PLEKHB2: variants seen among roughly 807,000 people sequenced by gnomAD.
The protein encoded by PLEKHB2 is pleckstrin homology domain-containing family B member 2.
A neutral mutation model predicts 36.5 loss-of-function variants in PLEKHB2; 31 were observed. The ratio of observed to expected loss-of-function variants is 0.85; its 90% CI spans 0.64 to 1.15. The LOEUF (loss-of-function observed/expected upper bound fraction) is 1.15, where lower values mean the gene tolerates loss of function less well. PLEKHB2 is among the 50% of genes most tolerant of loss of function. The probability of loss-of-function intolerance (pLI) is 0.00; values close to 1 mark genes in which losing one functional copy is unlikely to be tolerated. For missense variants in PLEKHB2, 262 were observed against 295.3 expected (o/e 0.89, Z 0.83); for synonymous variants, 119 against 112.0 (o/e 1.06, Z -0.39).
intron 6 of PLEKHB2, among the ~76,000 whole-genome samples, 175 bp from the exon 7 acceptor site, chr2:131,139,992 T>A (rs1698619508): frequency 6.6e-6 from 1 of 152,244 alleles, no homozygotes; most frequent in African/African-American, 2.4e-5. Flanking sequence ...CAATTGTAGC[T>A]TTTGTTTGTT....
At chr2:131,109,650 A>G (rs533317848) in intron 1 of PLEKHB2, among the ~76,000 whole-genome samples, 2 of 152,116 alleles carry the variant, frequency 1.3e-5, no homozygotes, top group Non-Finnish European at 2.9e-5. Context: ...AGATCGCGCC[A>G]CTATACTCCA....
rs1471633069 is a variant in PLEKHB2, at chr2:131,148,868, CACTTT to C, written c.*2100_*2104del. 3.9e-5 allele frequency: 6 copies of C among 152,166 alleles called. No individual in the cohort carries two copies. Among genetic ancestry groups the C allele is most frequent in the African/African-American group, 1.4e-4 (6 of 41,432 alleles). The allele number at this position is 152,166 out of a possible 1,614,324, so 9.4% of individuals were successfully genotyped here. A position where few individuals can be genotyped will look rare whatever the true frequency, so the allele number is the denominator to read the frequency against. ...ATAATCGTTATTAAAGCTGTATGTA[CACTTT>C]ACTTAAAAACTATTAACAGTTTTTC... is the stretch of plus-strand genomic sequence containing the variant. On this transcript the variant is annotated 3_prime_UTR_variant, in exon 8 of 8. Coordinates refer to ENST00000693505, the MANE Select transcript of PLEKHB2 (RefSeq NM_001100623.2).
chr2:131,127,884 C>T (rs1229994401), intron 4 of PLEKHB2, among the ~76,000 whole-genome samples: 3 of 152,294 alleles, frequency 2.0e-5, no homozygotes, highest in African/African-American at 7.2e-5. Context: ...TCCTTGGGGC[C>T]TCAGCAGAGG....
chr2:131,123,797 C>CCCCCCT (rs1696807168), intron 2 of PLEKHB2, among the ~76,000 whole-genome samples: 1 of 121,674 alleles, frequency 8.2e-6, no homozygotes, highest in African/African-American at 3.6e-5. Context: ...GCCCCCCGCC[C>CCCCCCT]TCGGCCTCCC....
In PLEKHB2 at chr2:131,106,598, G is replaced by T. The variant is rs1573504564; in HGVS notation, c.-9+1200G>T. On this transcript the variant is annotated intron_variant, in intron 1 of 7. Transcript: ENST00000693505. ...GGGGTGTGGGAATACTGCTGTGACG[G>T]TTCAATTGTGGTGCTCAGGAGTGTT... Among the ~76,000 whole-genome samples the T allele has an allele frequency of 3.3e-5, 5 of 152,296 alleles. No individual in the cohort carries two copies. In the Middle Eastern group the frequency reaches 0.014, roughly 414 times the overall value.
intron 1 of PLEKHB2, among the ~76,000 whole-genome samples, chr2:131,118,290 A>G (rs1368447964): frequency 1.3e-5 from 2 of 152,206 alleles, no homozygotes; most frequent in Non-Finnish European, 2.9e-5. Context: ...AAGATTGGGG[A>G]AAAATGAAAA....
At chr2:131,126,231 A>G (rs980180109) in intron 3 of PLEKHB2, among the ~76,000 whole-genome samples, 4 of 152,124 alleles carry the variant, frequency 2.6e-5, no homozygotes. Context: ...TCAATTGCTT[A>G]AAATCTGGGA....
chr2:131,108,809 G>T lies in PLEKHB2; in HGVS notation c.-9+3411G>T, dbSNP rs765131563. 4.6e-5 allele frequency among the ~76,000 whole-genome samples: 7 copies of T among 152,296 alleles called. No individual in the cohort carries two copies. In the South Asian group the frequency reaches 1.5e-3, roughly 32 times the overall value. On this transcript the variant is annotated intron_variant, in intron 1 of 7. Transcript: ENST00000693505. ...ATAATAGTAGTAAATAGTAATAATT[G>T]CTGTCAAAGCAGCTACCATTTATCG...
chr2:131,118,662 G>A (rs1419852524), intron 1 of PLEKHB2, among the ~76,000 whole-genome samples: 4 of 150,950 alleles, frequency 2.6e-5, no homozygotes. Flanking sequence ...TCAGGAGATC[G>A]AGACCATCCT....
chr2:131,125,982 C>G, intron 3 of PLEKHB2, 77 bp downstream of exon 3: 1 of 1,411,088 alleles, frequency 7.1e-7, no homozygotes, highest in Non-Finnish European at 9.8e-7. Flanking sequence ...CTCTTCCTTC[C>G]CTGTTCTGCT....
rs986888375 is a variant in PLEKHB2, at chr2:131,144,393, A to G, written c.533-2244A>G. The G allele has an allele frequency of 4.9e-6, 6 of 1,221,198 alleles. No individual in the cohort carries two copies. The African/African-American group carries it at 7.8e-5, about 16-fold the overall frequency. The allele number at this position is 1,221,198 out of a possible 1,614,324, so 75.6% of individuals were successfully genotyped here. ...TTGGCTCCTTTGGTTGGAGTCTTCT[A>G]TTTCTGTCTTGTAGAGACCATCCTC... is the stretch of plus-strand genomic sequence containing the variant. On this transcript the variant is annotated intron_variant, in intron 7 of 7. Transcript: ENST00000693505.
chr2:131,140,417 T>G (rs1698671428), intron 7 of PLEKHB2, 142 bp downstream of exon 7: 1 of 578,470 alleles, frequency 1.7e-6, no homozygotes, highest in Non-Finnish European at 3.1e-6. Flanking sequence ...TCTGTTACTA[T>G]GCTTTAAGAA....
chr2:131,137,643 T>G (rs1379816555), intron 6 of PLEKHB2, among the ~76,000 whole-genome samples: 1 of 152,220 alleles, frequency 6.6e-6, no homozygotes, highest in African/African-American at 2.4e-5. Flanking sequence ...GTAATTTGTC[T>G]TTGCTCTTTT....
chr2:131,144,892 T>C (rs1699129557), intron 7 of PLEKHB2, among the ~76,000 whole-genome samples: 1 of 152,254 alleles, frequency 6.6e-6, no homozygotes, highest in Non-Finnish European at 1.5e-5. Flanking sequence ...GAGTTAACAT[T>C]ACTGAGCATT....
intron 7 of PLEKHB2, chr2:131,144,488 G>A: frequency 1.1e-6 from 1 of 880,960 alleles, no homozygotes. Context: ...GGGGACTATA[G>A]TCCTCCCATC....
chr2:131,120,579 G>A (rs935532346), intron 1 of PLEKHB2: 42 of 337,688 alleles, frequency 1.2e-4, no homozygotes, highest in Non-Finnish European at 2.0e-4. Flanking sequence ...CACTGGGAAC[G>A]CCAAATGTAG....
At chr2:131,142,996 C>T (rs1327218187) in intron 7 of PLEKHB2, among the ~76,000 whole-genome samples, 1 of 152,120 alleles carries the variant, frequency 6.6e-6, no homozygotes, top group Non-Finnish European at 1.5e-5. Context: ...AGAAACCGTA[C>T]TTCAGGTACT....
At chr2:131,121,169 G>A (rs1007955188) in intron 2 of PLEKHB2, among the ~76,000 whole-genome samples, 191 bp downstream of exon 2, 1 of 152,214 alleles carries the variant, frequency 6.6e-6, no homozygotes, top group Non-Finnish European at 1.5e-5. Flanking sequence ...CTTGGTTGCT[G>A]AGTTGACAGG....
At chr2:131,140,371 A>G (rs1050082728) in intron 7 of PLEKHB2, 96 bp downstream of exon 7, 14 of 642,510 alleles carry the variant, frequency 2.2e-5, no homozygotes, top group Non-Finnish European at 2.2e-5. Context: ...TTAAGGTTAC[A>G]TGAGCTATAT....
Sources: allele counts gnomAD v4.1 joint callset (sites outside exome capture counted in the v4.1 genomes callset), GRCh38; gene constraint gnomAD v4.1.1; transcripts MANE v1.5; gene names NCBI Gene and HGNC (gene_info 2026-07-23, HGNC 2026-07-21).